ZCCHC24: variants seen among roughly 807,000 people sequenced by gnomAD.
ZCCHC24 encodes the protein zinc finger CCHC-type containing 24.
A neutral mutation model predicts 26.2 loss-of-function variants in ZCCHC24; 10 were observed. The observed-to-expected ratio is 0.38, with a 90% CI of 0.24 to 0.65. The LOEUF (loss-of-function observed/expected upper bound fraction) is 0.65, where lower values mean the gene tolerates loss of function less well. Ranked by LOEUF, ZCCHC24 falls within the 30% of genes least tolerant of loss-of-function variation. The pLI, the probability that ZCCHC24 is intolerant of heterozygous loss-of-function variation, is 0.54. For missense variants in ZCCHC24, 243 were observed against 329.1 expected (o/e 0.74, Z 2.03); for synonymous variants, 144 against 147.1 (o/e 0.98, Z 0.15).
chr10:79,434,650 C>G (rs1218281902), intron 1 of ZCCHC24, among the ~76,000 whole-genome samples: 1 of 152,198 alleles, frequency 6.6e-6, no homozygotes, highest in African/African-American at 2.4e-5. Context: ...TTATAACAAA[C>G]AGTTTTCTGG....
At chr10:79,417,132 G>A (rs578025497) in intron 2 of ZCCHC24, among the ~76,000 whole-genome samples, 6 of 152,312 alleles carry the variant, frequency 3.9e-5, no homozygotes, top group South Asian at 2.1e-4. Flanking sequence ...ATACTAAGCC[G>A]TTTGTGCAGG....
intron 3 of ZCCHC24, among the ~76,000 whole-genome samples, chr10:79,389,665 G>A (rs1008986748): frequency 6.6e-6 from 1 of 151,886 alleles, no homozygotes; most frequent in East Asian, 1.9e-4. Context: ...GCCTAGGCTG[G>A]AGTGCAGTGA....
rs184915536 is a variant in ZCCHC24, at chr10:79,424,316, A to G, written c.447+8242T>C. ...TTGCTATGTGTCTGACACACAGTAG[A>G]TGTTCAATAAATAACTGCAGAGTGG... is the stretch of plus-strand genomic sequence containing the variant. On this transcript the variant is annotated intron_variant, in intron 2 of 3. Transcript: ENST00000372336. Among the ~76,000 whole-genome samples the G allele has an allele frequency of 1.7e-3, 257 of 152,324 alleles. 1 individual carries two copies. The highest frequency in any genetic ancestry group is 3.0e-3 in the Non-Finnish European group (205 of 68,030).
At chr10:79,413,632 G>C (rs1434704581) in intron 2 of ZCCHC24, among the ~76,000 whole-genome samples, 1 of 152,218 alleles carries the variant, frequency 6.6e-6, no homozygotes, top group African/African-American at 2.4e-5. Flanking sequence ...TGACTAGCTG[G>C]AAAGGACCAT....
intron 2 of ZCCHC24, among the ~76,000 whole-genome samples, chr10:79,396,752 T>C (rs1296203118): frequency 6.6e-6 from 1 of 152,248 alleles, no homozygotes; most frequent in Non-Finnish European, 1.5e-5. Flanking sequence ...GATGTTGCCA[T>C]AGTAACTTTC....
At chr10:79,404,677 C>A (rs1026343304) in intron 2 of ZCCHC24, among the ~76,000 whole-genome samples, 1 of 152,220 alleles carries the variant, frequency 6.6e-6, no homozygotes, top group African/African-American at 2.4e-5. Flanking sequence ...CTGCACCTCT[C>A]TCTCCTGCTG....
chr10:79,400,287 C>T (rs1206782680), intron 2 of ZCCHC24, among the ~76,000 whole-genome samples: 1 of 152,212 alleles, frequency 6.6e-6, no homozygotes, highest in African/African-American at 2.4e-5. Flanking sequence ...ATGTCCATTA[C>T]AGCATGAGTT....
intron 2 of ZCCHC24, among the ~76,000 whole-genome samples, chr10:79,396,153 G>T (rs750733498): frequency 1.6e-4 from 25 of 152,286 alleles, no homozygotes; most frequent in Non-Finnish European, 3.1e-4. Flanking sequence ...TGTTTTCAAG[G>T]TTTGTTCATG....
chr10:79,437,758 G>A (rs1295737967), intron 1 of ZCCHC24, among the ~76,000 whole-genome samples: 2 of 152,212 alleles, frequency 1.3e-5, no homozygotes, highest in Non-Finnish European at 2.9e-5. Context: ...AGAATACGGG[G>A]TGCAGAGACA....
At chr10:79,390,707 T>TCC (rs1301118226) in intron 3 of ZCCHC24, among the ~76,000 whole-genome samples, 1 of 152,180 alleles carries the variant, frequency 6.6e-6, no homozygotes, top group African/African-American at 2.4e-5. Flanking sequence ...GTGGAGGGCC[T>TCC]CCCCCACTCC....
At chr10:79,403,171 T>G (rs1299665949) in intron 2 of ZCCHC24, among the ~76,000 whole-genome samples, 2 of 152,216 alleles carry the variant, frequency 1.3e-5, no homozygotes, top group Non-Finnish European at 2.9e-5. Flanking sequence ...CACACTTGGA[T>G]TCACGCCCTC....
At position 79,394,213 on chromosome 10, in the gene ZCCHC24, C is replaced by A. The variant is rs2132177893; in HGVS notation, c.612+63G>T. On this transcript the variant is annotated intron_variant, in intron 3 of 3. Coordinates refer to ENST00000372336, the MANE Select transcript of ZCCHC24 (RefSeq NM_153367.4). ...CTTGTAGGAGGGAGTAAACTGAGGTCCGGTAAGGGAAAAGTTGCCCTCCCG... is the reference window on the plus strand; with the variant it reads ...CTTGTAGGAGGGAGTAAACTGAGGTACGGTAAGGGAAAAGTTGCCCTCCCG... 5.1e-6 allele frequency: 8 copies of A among 1,569,052 alleles called. No individual in the cohort carries two copies. In the South Asian group the frequency reaches 9.5e-5, roughly 19 times the overall value.
chr10:79,421,775 C>T lies in ZCCHC24; in HGVS notation c.447+10783G>A, dbSNP rs181427481. 5.3e-5 allele frequency among the ~76,000 whole-genome samples: 8 copies of T among 152,134 alleles called. No individual in the cohort carries two copies. In the East Asian group the frequency reaches 9.7e-4, roughly 18 times the overall value. ...CCAAGTAACTGGGATTATAGGTGTG[C>T]GCCACCACACCTGGCTAATTTTTTT... is the stretch of plus-strand genomic sequence containing the variant. On this transcript the variant is annotated intron_variant, in intron 2 of 3. Transcript: ENST00000372336.
chr10:79,392,507 C>T (rs989416814), intron 3 of ZCCHC24, among the ~76,000 whole-genome samples: 1 of 152,322 alleles, frequency 6.6e-6, no homozygotes, highest in Middle Eastern at 3.4e-3. Context: ...GGTGAAGCAT[C>T]CCCCGTTTTG....
At chr10:79,432,087 C>T (rs912897726) in intron 2 of ZCCHC24, among the ~76,000 whole-genome samples, 19 of 152,220 alleles carry the variant, frequency 1.2e-4, no homozygotes, top group Non-Finnish European at 2.8e-4. Flanking sequence ...AGGGCCCCTC[C>T]CCTCTTCCCT....
intron 2 of ZCCHC24, among the ~76,000 whole-genome samples, chr10:79,396,885 A>G (rs140160445): frequency 1.8e-3 from 276 of 152,366 alleles, no homozygotes; most frequent in African/African-American, 6.2e-3. Context: ...TAACTACCAT[A>G]TAAGACTGTT....
At chr10:79,436,547 G>A (rs752981059) in intron 1 of ZCCHC24, among the ~76,000 whole-genome samples, 38 of 152,320 alleles carry the variant, frequency 2.5e-4, no homozygotes, top group Non-Finnish European at 5.1e-4. Flanking sequence ...AGTGACCAAT[G>A]GAGCTCTGAA....
intron 3 of ZCCHC24, among the ~76,000 whole-genome samples, chr10:79,389,527 C>CGTG (rs1336407176): frequency 1.2e-5 from 1 of 85,258 alleles, no homozygotes; most frequent in African/African-American, 5.0e-5. Flanking sequence ...TGACTTTTTC[C>CGTG]TAGTGTGTGT....
rs1343467557 is a variant in ZCCHC24 at position 79,383,093 on chromosome 10, A to AG, written c.*3251dup. 6.5e-6 allele frequency: 1 copy of AG among 152,794 alleles called. No individual in the cohort carries two copies. The highest frequency in any genetic ancestry group is 2.4e-5 in the African/African-American group (1 of 41,466). The allele number at this position is 152,794 out of a possible 1,614,324, so 9.5% of individuals were successfully genotyped here. A position where few individuals can be genotyped will look rare whatever the true frequency, so the allele number is the denominator to read the frequency against. ...GTTATCCTCAGTGGAAGAGGCACAAAGGGGTCACCATTCCCTTTTTCACTA... is the reference window on the plus strand; with the variant it reads ...GTTATCCTCAGTGGAAGAGGCACAAAGGGGGTCACCATTCCCTTTTTCACTA... On this transcript the variant is annotated 3_prime_UTR_variant, in exon 4 of 4. Coordinates refer to ENST00000372336, the MANE Select transcript of ZCCHC24 (RefSeq NM_153367.4).
Sources: allele counts gnomAD v4.1 joint callset (sites outside exome capture counted in the v4.1 genomes callset), GRCh38; gene constraint gnomAD v4.1.1; transcripts MANE v1.5; gene names NCBI Gene and HGNC (gene_info 2026-07-23, HGNC 2026-07-21).